The following AGAP1 variants were observed in gnomAD, a reference collection of about 807,000 sequenced individuals.
AGAP1 encodes arf-GAP with GTPase, ANK repeat and PH domain-containing protein 1.
AGAP1 carries 29 observed loss-of-function variants against 105.3 expected under a neutral mutation model. The observed-to-expected ratio is 0.28, with a 90% CI of 0.21 to 0.38. The LOEUF is 0.38. Ranked by LOEUF, AGAP1 falls within the 10% of genes least tolerant of loss-of-function variation. The pLI is 1.00. For synonymous variants in AGAP1, 509 were observed against 485.9 expected, an observed-to-expected ratio of 1.05 and a Z score of -0.63; for missense variants, 998 against 1,165.1, an observed-to-expected ratio of 0.86 and a Z score of 2.09.
At chr2:235,704,373 G>A (rs917461349) in intron 1 of AGAP1, among the ~76,000 whole-genome samples, 1 of 152,008 alleles carries the variant, frequency 6.6e-6, no homozygotes, top group African/African-American at 2.4e-5. Context: ...TTGAGGCCGG[G>A]CGTGGTGGCT....
At position 236,119,230 on chromosome 2, in the gene AGAP1, G is replaced by C. The variant is rs1182867910; in HGVS notation, c.2115-962G>C. Among the ~76,000 whole-genome samples, 1 of 152,028 alleles carries C rather than the reference G, an allele frequency of 6.6e-6. No individual in the cohort carries two copies. The highest frequency in any genetic ancestry group is 1.5e-5 in the Non-Finnish European group (1 of 67,976). On this transcript the variant is annotated intron_variant, in intron 16 of 17. Transcript: ENST00000304032. The surrounding 1 kb of genome is among the most constrained non-coding windows in gnomAD (Gnocchi z 6.6). ...TCCGACCCCATCCACCCCCTCCCCA[G>C]CTTTGTCCTCTCCTCTGCCTCTGGG...
In AGAP1 at chr2:235,615,073, C is replaced by T. The variant is rs1330910980; in HGVS notation, c.164-94106C>T. ...TCTAATAAAATGCAAATGATTACAGCCCCTTCCATGAAGAGTGCAAGTACG... is the reference window on the plus strand; with the variant it reads ...TCTAATAAAATGCAAATGATTACAGTCCCTTCCATGAAGAGTGCAAGTACG... On this transcript the variant is annotated intron_variant, in intron 1 of 17. Transcript: ENST00000304032. This position sits in a 1 kb window ranked among gnomAD's most constrained non-coding sequence, Gnocchi z 5.0. Among the ~76,000 whole-genome samples, 3 of 152,186 alleles carry T rather than the reference C, an allele frequency of 2.0e-5. No individual in the cohort carries two copies. The highest frequency in any genetic ancestry group is 2.9e-5 in the Non-Finnish European group (2 of 68,032).
chr2:235,637,268 A>G (rs993673945), intron 1 of AGAP1, among the ~76,000 whole-genome samples: 1 of 151,900 alleles, frequency 6.6e-6, no homozygotes, highest in Non-Finnish European at 1.5e-5. Flanking sequence ...TAGGACCTCA[A>G]AATGTGACTT....
intron 1 of AGAP1, among the ~76,000 whole-genome samples, chr2:235,589,202 T>TC (rs1305473100): frequency 4.8e-5 from 5 of 104,576 alleles, no homozygotes; most frequent in Non-Finnish European, 8.5e-5. Flanking sequence ...TTGTTTTTTT[T>TC]TTTTTTTTTT....
intron 1 of AGAP1, among the ~76,000 whole-genome samples, chr2:235,693,103 C>T (rs1949818119): frequency 6.6e-6 from 1 of 152,156 alleles, no homozygotes; most frequent in Non-Finnish European, 1.5e-5. Context: ...CAGAGGCTGA[C>T]TCCTTGGGAA....
chr2:236,001,572 C>T lies in AGAP1; in HGVS notation c.1645+32949C>T, dbSNP rs1285276372. Among the ~76,000 whole-genome samples the T allele has an allele frequency of 6.6e-6, 1 of 152,108 alleles. No individual in the cohort carries two copies. The highest frequency in any genetic ancestry group is 1.9e-4 in the East Asian group (1 of 5,176). On this transcript the variant is annotated intron_variant, in intron 13 of 17. Coordinates refer to ENST00000304032, the MANE Select transcript of AGAP1 (RefSeq NM_001037131.3). This position sits in a 1 kb window ranked among gnomAD's most constrained non-coding sequence, Gnocchi z 4.7. ...CACAGACTGTGGCTTGCAAGCAGAG[C>T]TGGCAGGACTTGCTGAAAGAGTTAA...
chr2:235,674,932 C>A (rs536488525), intron 1 of AGAP1, among the ~76,000 whole-genome samples: 26 of 151,826 alleles, frequency 1.7e-4, no homozygotes, highest in African/African-American at 6.3e-4. Flanking sequence ...CTTGATCCAC[C>A]CCCCTCGGTC....
In AGAP1 at chr2:235,799,096, A is replaced by G. The variant is rs1957374921; in HGVS notation, c.802-271A>G. Among the ~76,000 whole-genome samples, 1 of 152,176 alleles carries G rather than the reference A, an allele frequency of 6.6e-6. No homozygotes were observed. Among genetic ancestry groups the G allele is most frequent in the Non-Finnish European group, 1.5e-5 (1 of 68,032 alleles). On this transcript the variant is annotated intron_variant, in intron 7 of 17. Coordinates refer to ENST00000304032, the MANE Select transcript of AGAP1 (RefSeq NM_001037131.3). This position sits in a 1 kb window ranked among gnomAD's most constrained non-coding sequence, Gnocchi z 5.0. Reference sequence around the variant, plus strand: ...AGAAAATAATCAAATTTGAACTCTCAGAAATCTTTTAAGTTAAATGAAAGA... The same window carrying G: ...AGAAAATAATCAAATTTGAACTCTCGGAAATCTTTTAAGTTAAATGAAAGA...
Position 235,720,305 on chromosome 2 carries a change from G to C in AGAP1, c.310+2661G>C, listed in dbSNP as rs1951315984. ...TTAATTGAGAAGCTTTAGGTATAGA[G>C]TGTTGTGGGTTTGGGATATAATTTA... On this transcript the variant is annotated intron_variant, in intron 3 of 17. Transcript: ENST00000304032. This position sits in a 1 kb window ranked among gnomAD's most constrained non-coding sequence, Gnocchi z 5.0. 6.6e-6 allele frequency among the ~76,000 whole-genome samples: 1 copy of C among 152,196 alleles called. No individual in the cohort carries two copies. The highest frequency in any genetic ancestry group is 1.5e-5 in the Non-Finnish European group (1 of 68,032).
chr2:236,060,235 A>T (rs576992451), intron 16 of AGAP1, among the ~76,000 whole-genome samples: 5 of 152,380 alleles, frequency 3.3e-5, no homozygotes, highest in African/African-American at 1.2e-4. Context: ...ATGATACCTA[A>T]AGTGCAAGCA....
chr2:236,115,539 G>T (rs2059750325), intron 16 of AGAP1, among the ~76,000 whole-genome samples: 1 of 152,184 alleles, frequency 6.6e-6, no homozygotes, highest in South Asian at 2.1e-4. Flanking sequence ...CTGGTATCTG[G>T]ATGGGAGCAT....
Position 235,494,661 on chromosome 2 carries a change from GCGGCTC to G in AGAP1, c.-22_-17del, listed in dbSNP as rs761441268. On this transcript the variant is annotated 5_prime_UTR_variant, in exon 1 of 18. Transcript: ENST00000304032. ...GCGGGGCGGCGGCGGCGGGGGGCGCGCGGCTCCGGGCGCGGCGCCTGCACCATGAAC... is the reference window on the plus strand; with the variant it reads ...GCGGGGCGGCGGCGGCGGGGGGCGCGCGGGCGCGGCGCCTGCACCATGAAC... 0.067 allele frequency: 75,915 copies of G among 1,139,110 alleles called. 2,731 individuals carry two copies. The highest frequency in any genetic ancestry group is 0.14 in the Middle Eastern group (363 of 2,536). The allele number at this position is 1,139,110 out of a possible 1,614,324, so 70.6% of individuals were successfully genotyped here.
intron 1 of AGAP1, chr2:235,670,760 G>C: frequency 1.8e-6 from 2 of 1,084,358 alleles, no homozygotes; most frequent in Non-Finnish European, 2.7e-6. Flanking sequence ...CAGCAAGAAC[G>C]ACGCGCTCTC....
chr2:235,715,846 G>A (rs1951073896), intron 2 of AGAP1, among the ~76,000 whole-genome samples: 1 of 152,134 alleles, frequency 6.6e-6, no homozygotes, highest in African/African-American at 2.4e-5. Context: ...CTGGGAGTCG[G>A]GGATGGCCTC....
In AGAP1 at chr2:236,082,859, G is replaced by C. The variant is rs927264721; in HGVS notation, c.2114+33578G>C. Among the ~76,000 whole-genome samples the C allele has an allele frequency of 6.7e-6, 1 of 148,850 alleles. No individual in the cohort carries two copies. The highest frequency in any genetic ancestry group is 2.5e-5 in the African/African-American group (1 of 40,078). ...CATTGCACTCCAGCCTGGAGGACAA[G>C]AGCAAAACTCCATCAGCCGGGCACA... On this transcript the variant is annotated intron_variant, in intron 16 of 17. Coordinates refer to ENST00000304032, the MANE Select transcript of AGAP1 (RefSeq NM_001037131.3). The surrounding 1 kb of genome is among the most constrained non-coding windows in gnomAD (Gnocchi z 4.2).
Position 235,517,490 on chromosome 2 carries a change from G to A in AGAP1, c.163+22641G>A, listed in dbSNP as rs1453299138. On this transcript the variant is annotated intron_variant, in intron 1 of 17. Coordinates refer to ENST00000304032, the MANE Select transcript of AGAP1 (RefSeq NM_001037131.3). This position sits in a 1 kb window ranked among gnomAD's most constrained non-coding sequence, Gnocchi z 4.1. ...TTTATGGTAATTTTATTTTAATTGA[G>A]GTCGCAGGGACTAATTTTTACTGGA... Among the ~76,000 whole-genome samples, 1 of 152,146 alleles carries A rather than the reference G, an allele frequency of 6.6e-6. No individual in the cohort carries two copies. Among genetic ancestry groups the A allele is most frequent in the Non-Finnish European group, 1.5e-5 (1 of 68,042 alleles).
chr2:236,049,251 G>T lies in AGAP1; in HGVS notation c.2084G>T (p.Gly695Val). Residue 695 changes from glycine (G) to valine (V), a missense_variant, in exon 16 of 18, where the codon GGG (glycine) becomes GTG (valine). By Grantham distance (109) the Gly-to-Val change is moderately radical (BLOSUM62 -3). Transcript: ENST00000304032. ...ANSVWEESSQGRTKPSVDSTR... is the reference protein window; with the variant it reads ...ANSVWEESSQVRTKPSVDSTR... Reference sequence around the variant, plus strand: ...AGCGTCTGGGAAGAGAGCAGCCAGGGGCGGACGAAACCATCGGTAGACTCC... The same window carrying T: ...AGCGTCTGGGAAGAGAGCAGCCAGGTGCGGACGAAACCATCGGTAGACTCC... 1 of 1,614,188 alleles carries T rather than the reference G, an allele frequency of 6.2e-7. No individual in the cohort carries two copies. Among genetic ancestry groups the T allele is most frequent in the Non-Finnish European group, 8.5e-7 (1 of 1,180,024 alleles).
At chr2:235,710,605 C>T (rs935369428) in intron 2 of AGAP1, among the ~76,000 whole-genome samples, 2 of 152,210 alleles carry the variant, frequency 1.3e-5, no homozygotes, top group Non-Finnish European at 2.9e-5. Context: ...CCTGGGGTTC[C>T]GCAAGACTGG....
chr2:235,609,065 G>T lies in AGAP1; in HGVS notation c.164-100114G>T, dbSNP rs578189432. Among the ~76,000 whole-genome samples the T allele has an allele frequency of 6.6e-6, 1 of 152,270 alleles. No individual in the cohort carries two copies. Among genetic ancestry groups the T allele is most frequent in the East Asian group, 1.9e-4 (1 of 5,174 alleles). ...TAAGTTCTGCATAGAAATGATTTTTGCACAGAGCTTTGTCATTGGGAAGGA... is the reference window on the plus strand; with the variant it reads ...TAAGTTCTGCATAGAAATGATTTTTTCACAGAGCTTTGTCATTGGGAAGGA... On this transcript the variant is annotated intron_variant, in intron 1 of 17. Transcript: ENST00000304032. The surrounding 1 kb of genome is among the most constrained non-coding windows in gnomAD (Gnocchi z 5.1).
Sources: allele counts gnomAD v4.1 joint callset (sites outside exome capture counted in the v4.1 genomes callset), GRCh38; gene constraint gnomAD v4.1.1; non-coding constraint Gnocchi (gnomAD v3.1); transcripts MANE v1.5; gene names NCBI Gene and HGNC (gene_info 2026-07-23, HGNC 2026-07-21).